Variants in GABRB2 observed in about 807,000 individuals in gnomAD.
GABRB2 encodes gamma-aminobutyric acid type A receptor subunit beta2, also known as gamma-aminobutyric acid receptor subunit beta-2.
Under a neutral mutation model 54.7 loss-of-function variants are expected in GABRB2, and 16 were observed. That is an observed-to-expected ratio of 0.29 (90% CI 0.20 to 0.44). GABRB2 has a LOEUF of 0.44. GABRB2 is among the 20% of genes least tolerant of loss of function. The pLI is 1.00. For synonymous variants in GABRB2, 244 were observed against 233.8 expected (o/e 1.04, Z -0.40); for missense variants, 355 against 644.0 (o/e 0.55, Z 4.86).
chr5:161,315,750 A>C (rs1237632780), intron 9 of GABRB2, among the ~76,000 whole-genome samples: 3 of 152,184 alleles, frequency 2.0e-5, no homozygotes, highest in African/African-American at 7.2e-5. Context: ...AAGTCAGAGA[A>C]ATCAACCACC....
chr5:161,546,511 T>C, intron 1 of GABRB2, 56 bp downstream of exon 1: 1 of 1,567,478 alleles, frequency 6.4e-7, no homozygotes, highest in Non-Finnish European at 8.7e-7. Context: ...CACAGAGGTA[T>C]GCAGACAGAA....
chr5:161,388,054 G>C (rs1166675463), intron 5 of GABRB2, among the ~76,000 whole-genome samples: 1 of 152,102 alleles, frequency 6.6e-6, no homozygotes, highest in Non-Finnish European at 1.5e-5. Flanking sequence ...CTAAGAACAT[G>C]TATCTTTCAA....
chr5:161,472,206 A>ACAT (rs1758461580), intron 3 of GABRB2, among the ~76,000 whole-genome samples: 1 of 151,852 alleles, frequency 6.6e-6, no homozygotes, highest in Admixed American at 6.6e-5. Context: ...TCCAAGTGAC[A>ACAT]CATCTGGCAA....
intron 5 of GABRB2, among the ~76,000 whole-genome samples, chr5:161,375,721 A>G (rs906790059): frequency 2.0e-5 from 3 of 152,190 alleles, no homozygotes; most frequent in Non-Finnish European, 2.9e-5. Context: ...TACTTAAGAC[A>G]GGGGAAACAC....
Position 161,317,075 on chromosome 5 carries a change from G to A in GABRB2, c.1191+9293C>T, listed in dbSNP as rs184456428. On this transcript the variant is annotated intron_variant, in intron 9 of 9. Coordinates refer to ENST00000393959, the MANE Select transcript of GABRB2 (RefSeq NM_001371727.1). ...GTGTGTGGCAGGTGTGTGTGTGTGC[G>A]TGAGAGAGAAAAAAAATGACAACGT... Among the ~76,000 whole-genome samples the A allele has an allele frequency of 1.6e-3, 249 of 151,822 alleles. 1 individual carries two copies. The highest frequency in any genetic ancestry group is 1.8e-3 in the Non-Finnish European group (119 of 67,932).
chr5:161,341,968 T>TATATATATAC (rs1205547471), intron 5 of GABRB2, among the ~76,000 whole-genome samples: 23 of 31,120 alleles, frequency 7.4e-4, no homozygotes, highest in East Asian at 3.1e-3. Flanking sequence ...TATATATATA[T>TATATATATAC]ACATACTTTA....
At chr5:161,453,505 G>A (rs1172403328) in intron 4 of GABRB2, among the ~76,000 whole-genome samples, 1 of 152,114 alleles carries the variant, frequency 6.6e-6, no homozygotes, top group South Asian at 2.1e-4. Flanking sequence ...ACAGTGAGAA[G>A]GTATCATCCA....
intron 3 of GABRB2, among the ~76,000 whole-genome samples, chr5:161,485,996 T>C (rs1758912409): frequency 6.6e-6 from 1 of 151,878 alleles, no homozygotes; most frequent in Non-Finnish European, 1.5e-5. Flanking sequence ...GCACCTAGTC[T>C]CAGTCATACT....
intron 4 of GABRB2, among the ~76,000 whole-genome samples, chr5:161,453,617 C>A (rs1331812948): frequency 6.6e-6 from 1 of 152,196 alleles, no homozygotes; most frequent in South Asian, 2.1e-4. Context: ...CTGCTGTTTA[C>A]AAAGCCTCCC....
At chr5:161,441,335 A>C (rs925587251) in intron 4 of GABRB2, among the ~76,000 whole-genome samples, 4 of 152,206 alleles carry the variant, frequency 2.6e-5, no homozygotes, top group African/African-American at 9.6e-5. Context: ...TACAAATCAC[A>C]AACAGGAATA....
chr5:161,355,800 C>A (rs1754605340), intron 5 of GABRB2, among the ~76,000 whole-genome samples: 1 of 152,156 alleles, frequency 6.6e-6, no homozygotes, highest in Admixed American at 6.6e-5. Flanking sequence ...GAAGCTTTGC[C>A]ATTTTGCAAT....
At chr5:161,548,256 T>G (rs943953551), upstream of GABRB2, 1 of 152,198 alleles carries the variant, frequency 6.6e-6, no homozygotes, top group African/African-American at 2.4e-5. Context: ...AGATACTCAA[T>G]TCACAAAAGA....
chr5:161,398,040 CAGAT>C (rs926208000), intron 5 of GABRB2, among the ~76,000 whole-genome samples: 5 of 142,846 alleles, frequency 3.5e-5, no homozygotes, highest in East Asian at 2.0e-4. Context: ...GATAGATAGA[CAGAT>C]AGATAGATAG....
intron 9 of GABRB2, among the ~76,000 whole-genome samples, chr5:161,321,024 T>C (rs559565337): frequency 1.3e-5 from 2 of 151,968 alleles, no homozygotes; most frequent in Non-Finnish European, 2.9e-5. Context: ...ACGTGGGACA[T>C]AGAAAAATGT....
chr5:161,539,542 G>C (rs1183806830), intron 3 of GABRB2, among the ~76,000 whole-genome samples: 1 of 152,194 alleles, frequency 6.6e-6, no homozygotes, highest in Non-Finnish European at 1.5e-5. Flanking sequence ...ACTTTGAGTT[G>C]CAAGCCAAGT....
At chr5:161,316,504 TTTTG>T (rs1322881814) in intron 9 of GABRB2, among the ~76,000 whole-genome samples, 2 of 152,322 alleles carry the variant, frequency 1.3e-5, no homozygotes, top group South Asian at 2.1e-4. Flanking sequence ...TATTCTTTCT[TTTTG>T]TTTATTTTTA....
chr5:161,454,928 CT>C (rs1233973627), intron 4 of GABRB2, among the ~76,000 whole-genome samples: 1 of 152,106 alleles, frequency 6.6e-6, no homozygotes, highest in Non-Finnish European at 1.5e-5. Context: ...GATTTTCATA[CT>C]GAAAAGCAAA....
At chr5:161,546,763 G>C (rs1760999415), upstream of GABRB2, 1 of 1,498,132 alleles carries the variant, frequency 6.7e-7, no homozygotes, top group Admixed American at 2.2e-5. Context: ...CATCAAAGGG[G>C]AAGCGGCGGC....
At chr5:161,382,367 C>T (rs781115830) in intron 5 of GABRB2, among the ~76,000 whole-genome samples, 8 of 152,166 alleles carry the variant, frequency 5.3e-5, no homozygotes, top group Non-Finnish European at 1.0e-4. Flanking sequence ...AGAATTGAAG[C>T]TTCTCCCTGT....
Sources: allele counts gnomAD v4.1 joint callset (sites outside exome capture counted in the v4.1 genomes callset), GRCh38; gene constraint gnomAD v4.1.1; transcripts MANE v1.5; gene names NCBI Gene and HGNC (gene_info 2026-07-23, HGNC 2026-07-21).